MTOR: variants seen among roughly 807,000 people sequenced by gnomAD.
The protein encoded by MTOR is mechanistic target of rapamycin kinase.
Under a neutral mutation model 319.8 loss-of-function variants are expected in MTOR, and 70 were observed. That is an observed-to-expected ratio of 0.22 (90% confidence interval 0.18 to 0.27). The LOEUF (loss-of-function observed/expected upper bound fraction) is 0.27. MTOR is among the 10% of genes least tolerant of loss of function. The probability of loss-of-function intolerance (pLI) is 1.00; values close to 1 mark genes in which losing one functional copy is unlikely to be tolerated. For missense variants in MTOR, 1,890 were observed against 3,274.4 expected (o/e 0.58, Z 10.32); for synonymous variants, 1,183 against 1,211.4 (o/e 0.98, Z 0.49).
chr1:11,248,218 G>A, intron 6 of MTOR, 124 bp from the exon 7 acceptor site: 2 of 1,005,922 alleles, frequency 2.0e-6, no homozygotes, highest in Non-Finnish European at 2.9e-6. Flanking sequence ...AAAGTGAAGG[G>A]TGGCCACTCT....
At position 11,109,317 on chromosome 1, in the gene MTOR, T is replaced by C. The variant is rs968817513; in HGVS notation, c.7501A>G (p.Ile2501Val). The C allele has an allele frequency of 9.9e-6, 16 of 1,614,086 alleles. No individual in the cohort carries two copies. The highest frequency in any genetic ancestry group is 1.3e-5 in the Non-Finnish European group (15 of 1,180,042). Residue 2501 changes from isoleucine to valine, a missense_variant, in exon 56 of 58, where the codon ATT becomes GTT. By Grantham distance (29) the Ile-to-Val change is conservative. Around this residue, in one of 15 missense-constraint regions of MTOR, gnomAD observed 31 missense variants for 82.1 expected, o/e 0.38. Transcript: ENST00000361445. The surrounding 1 kb of genome is among the most constrained non-coding windows in gnomAD (Gnocchi z 4.0). ...GTGAGCTTATCTCGAACCCTGTTAA[T>C]AATCTGGATAGCTTTCTTATTTAGG... ...EALNKKAIQI[I>V]NRVRDKLTGR...
In MTOR at chr1:11,239,778, G is replaced by A. The variant is rs186453703; in HGVS notation, c.1786+525C>T. ...AAATTAGCCGGGTGTGGTGACACGC[G>A]CCTATAGTCCCAGCTACTCGGGAGG... On this transcript the variant is annotated intron_variant, in intron 11 of 57. Transcript: ENST00000361445. Among the ~76,000 whole-genome samples the A allele has an allele frequency of 1.9e-3, 284 of 151,958 alleles. 3 individuals are homozygous for A. Among genetic ancestry groups the A allele is most frequent in the African/African-American group, 6.6e-3 (272 of 41,430 alleles).
intron 28 of MTOR, among the ~76,000 whole-genome samples, chr1:11,177,444 G>C (rs916580200): frequency 1.3e-5 from 2 of 152,144 alleles, no homozygotes; most frequent in Non-Finnish European, 2.9e-5. Context: ...TGCAGTCCCA[G>C]CTATTTGGGA....
intron 1 of MTOR, 39 bp from the exon 2 acceptor site, chr1:11,259,462 A>C (rs1650831170): frequency 6.7e-7 from 1 of 1,500,790 alleles, no homozygotes; most frequent in Admixed American, 2.5e-5. Context: ...TGGATAAGAA[A>C]GTATGATGAT....
chr1:11,194,597 C>T, intron 28 of MTOR: 1 of 1,614,164 alleles, frequency 6.2e-7, no homozygotes, highest in Non-Finnish European at 8.5e-7. Flanking sequence ...AACAACACAG[C>T]CTTCAGCACC....
intron 10 of MTOR, among the ~76,000 whole-genome samples, chr1:11,241,088 G>A (rs1489671103): frequency 2.0e-5 from 3 of 151,416 alleles, no homozygotes. Flanking sequence ...TTTGGGAGCC[G>A]AGGTGGGCGG....
At chr1:11,231,570 C>T in intron 16 of MTOR, 136 bp from the exon 17 acceptor site, 1 of 1,088,144 alleles carries the variant, frequency 9.2e-7, no homozygotes, top group South Asian at 1.8e-5. Flanking sequence ...AGACACTAAC[C>T]ATGAGCAGAA....
chr1:11,125,145 G>A (rs1354859749), intron 46 of MTOR, among the ~76,000 whole-genome samples: 2 of 152,180 alleles, frequency 1.3e-5, no homozygotes, highest in East Asian at 3.9e-4. Flanking sequence ...GACGGTTCTA[G>A]CTGGGCTCCT....
chr1:11,259,529 C>A (rs1015200110), intron 1 of MTOR, 106 bp from the exon 2 acceptor site: 2 of 1,268,364 alleles, frequency 1.6e-6, no homozygotes, highest in Non-Finnish European at 2.1e-6. Flanking sequence ...CCTTGTCAGG[C>A]AGGGGATTCT....
chr1:11,117,844 C>T (rs908610626), intron 49 of MTOR, among the ~76,000 whole-genome samples: 19 of 152,050 alleles, frequency 1.2e-4, no homozygotes, highest in African/African-American at 4.6e-4. Context: ...CTTTGGGAGG[C>T]CGAGGTGGGT....
chr1:11,133,050 G>A lies in MTOR; in HGVS notation c.5364+30C>T. 1.3e-6 allele frequency: 2 copies of A among 1,589,098 alleles called. No individual in the cohort carries two copies. The highest frequency in any genetic ancestry group is 8.6e-7 in the Non-Finnish European group (1 of 1,158,038). ...GAGGACACGAGCCAGCCAGGGTGCTGGGTCTCACAGGTGGCCTGCTTCTGA... is the reference window on the plus strand; with the variant it reads ...GAGGACACGAGCCAGCCAGGGTGCTAGGTCTCACAGGTGGCCTGCTTCTGA... On this transcript the variant is annotated intron_variant, in intron 38 of 57. Coordinates refer to ENST00000361445, the MANE Select transcript of MTOR (RefSeq NM_004958.4). This position sits in a 1 kb window ranked among gnomAD's most constrained non-coding sequence, Gnocchi z 4.0.
intron 53 of MTOR, 96 bp downstream of exon 53, chr1:11,114,222 T>G: frequency 6.6e-7 from 1 of 1,506,836 alleles, no homozygotes; most frequent in East Asian, 2.3e-5. Flanking sequence ...CTCGAACTCC[T>G]GGCCTCAAGC....
intron 1 of MTOR, among the ~76,000 whole-genome samples, chr1:11,260,333 AGGAGTTTGAGACCAGCCTGGGCAATAT>A (rs1650953747): frequency 6.6e-6 from 1 of 152,234 alleles, no homozygotes; most frequent in Non-Finnish European, 1.5e-5. Flanking sequence ...ACCTGAGGTC[AGGAGTTTGAGACCAGCCTGGGCAATAT>A]GGTGAAACCC....
At chr1:11,215,022 T>C (rs892641557) in intron 20 of MTOR, among the ~76,000 whole-genome samples, 7 of 152,108 alleles carry the variant, frequency 4.6e-5, no homozygotes, top group African/African-American at 1.7e-4. Flanking sequence ...GAATCAACAG[T>C]CAAAGGAAGA....
chr1:11,226,912 T>C (rs1646856338), intron 19 of MTOR, among the ~76,000 whole-genome samples: 1 of 129,110 alleles, frequency 7.7e-6, no homozygotes. Context: ...TAATTTTTCT[T>C]CCCCCCACCC....
At chr1:11,158,434 C>T (rs759118080) in intron 29 of MTOR, among the ~76,000 whole-genome samples, 26 of 152,084 alleles carry the variant, frequency 1.7e-4, no homozygotes, top group Non-Finnish European at 3.8e-4. Flanking sequence ...TCCCTTGTAC[C>T]TACTTTCCCT....
intron 14 of MTOR, 136 bp downstream of exon 14, chr1:11,234,007 C>A: frequency 7.8e-7 from 1 of 1,288,608 alleles, no homozygotes; most frequent in East Asian, 2.3e-5. Flanking sequence ...TGATATGGCC[C>A]TTTGGTCTCC....
chr1:11,187,747 C>T (rs573488700), intron 28 of MTOR, among the ~76,000 whole-genome samples: 12 of 152,304 alleles, frequency 7.9e-5, no homozygotes, highest in Admixed American at 4.6e-4. Context: ...GCCAGAGTCT[C>T]GTTACTAAAA....
intron 26 of MTOR, among the ~76,000 whole-genome samples, chr1:11,201,289 T>A (rs893529068): frequency 6.6e-6 from 1 of 152,200 alleles, no homozygotes; most frequent in African/African-American, 2.4e-5. Context: ...AACACTGTGC[T>A]CAGAGGTGAC....
Sources: allele counts gnomAD v4.1 joint callset (sites outside exome capture counted in the v4.1 genomes callset), GRCh38; gene constraint gnomAD v4.1.1; regional missense constraint gnomAD v4.1.1; non-coding constraint Gnocchi (gnomAD v3.1); transcripts MANE v1.5; gene names NCBI Gene and HGNC (gene_info 2026-07-23, HGNC 2026-07-21).